The following RIMS1 variants were observed in gnomAD, a reference collection of about 807,000 sequenced individuals.
RIMS1 encodes regulating synaptic membrane exocytosis 1, also known as regulating synaptic membrane exocytosis protein 1.
A neutral mutation model predicts 214.1 loss-of-function variants in RIMS1; 83 were observed. The ratio of observed to expected loss-of-function variants is 0.39; its 90% CI spans 0.32 to 0.47. RIMS1 has a LOEUF of 0.47. Ranked by LOEUF, RIMS1 falls within the 20% of genes least tolerant of loss-of-function variation. The pLI is 0.99. For synonymous variants in RIMS1, 793 were observed against 786.8 expected (o/e 1.01, Z -0.13); for missense variants, 2,050 against 2,161.8 (o/e 0.95, Z 1.03).
chr6:72,114,019 CA>C (rs1196072642), intron 4 of RIMS1, among the ~76,000 whole-genome samples: 3 of 151,842 alleles, frequency 2.0e-5, no homozygotes, highest in Admixed American at 6.6e-5. Flanking sequence ...ATCAAATGAA[CA>C]TTAAGTAATT....
At chr6:72,023,957 T>C (rs1444717620) in intron 2 of RIMS1, among the ~76,000 whole-genome samples, 1 of 152,144 alleles carries the variant, frequency 6.6e-6, no homozygotes, top group Non-Finnish European at 1.5e-5. Flanking sequence ...AAAGGTTGAC[T>C]CCTTCAAAGA....
chr6:72,352,751 T>C (rs772341516), intron 29 of RIMS1, among the ~76,000 whole-genome samples: 1 of 152,108 alleles, frequency 6.6e-6, no homozygotes, highest in Non-Finnish European at 1.5e-5. Flanking sequence ...AGCCTTGTTC[T>C]AGAAGCATCA....
intron 2 of RIMS1, among the ~76,000 whole-genome samples, chr6:72,087,257 A>G (rs1834900664): frequency 6.6e-6 from 1 of 152,244 alleles, no homozygotes; most frequent in South Asian, 2.1e-4. Flanking sequence ...GTTTATCCCT[A>G]AAGAACTGAG....
chr6:72,297,999 G>A (rs1303221108), intron 26 of RIMS1, among the ~76,000 whole-genome samples: 1 of 151,862 alleles, frequency 6.6e-6, no homozygotes, highest in Non-Finnish European at 1.5e-5. Flanking sequence ...CAAGCCAAGG[G>A]GTTCATTAGG....
At chr6:72,329,202 A>G (rs2096580058) in intron 28 of RIMS1, among the ~76,000 whole-genome samples, 2 of 151,850 alleles carry the variant, frequency 1.3e-5, no homozygotes, top group African/African-American at 4.8e-5. Context: ...TAATTGGCTT[A>G]AGTAGGGAGT....
intron 1 of RIMS1, among the ~76,000 whole-genome samples, chr6:71,905,241 A>G (rs1774919127): frequency 6.6e-6 from 1 of 152,130 alleles, no homozygotes; most frequent in South Asian, 2.1e-4. Flanking sequence ...AATTTAGTCC[A>G]AATATCTCCA....
intron 31 of RIMS1, among the ~76,000 whole-genome samples, chr6:72,393,223 A>G (rs1350084969): frequency 6.6e-6 from 1 of 151,988 alleles, no homozygotes. Context: ...AAAAAAGAAA[A>G]GGGAAGGTGG....
intron 1 of RIMS1, among the ~76,000 whole-genome samples, chr6:71,952,035 A>T (rs781118194): frequency 6.6e-6 from 1 of 152,212 alleles, no homozygotes; most frequent in Admixed American, 6.5e-5. Context: ...AAGACAGTCC[A>T]GATTGGTGGC....
At chr6:72,361,178 G>A (rs1051066448) in intron 29 of RIMS1, among the ~76,000 whole-genome samples, 3 of 127,308 alleles carry the variant, frequency 2.4e-5, no homozygotes, top group African/African-American at 9.1e-5. Context: ...GCACGACTCA[G>A]CTCACTGCAA....
At chr6:72,252,943 A>T (rs2074125034) in intron 16 of RIMS1, 111 bp downstream of exon 16, 1 of 751,980 alleles carries the variant, frequency 1.3e-6, no homozygotes, top group Non-Finnish European at 2.3e-6. Context: ...GCACAGAGAA[A>T]TCAGTATTAT....
At chr6:72,200,314 A>G (rs1315811039) in intron 6 of RIMS1, among the ~76,000 whole-genome samples, 2 of 152,138 alleles carry the variant, frequency 1.3e-5, no homozygotes, top group African/African-American at 2.4e-5. Context: ...TGCTTAGAGC[A>G]TAGTCCCTGA....
chr6:72,228,564 CATTT>C (rs1397189807), intron 6 of RIMS1, among the ~76,000 whole-genome samples: 2 of 151,810 alleles, frequency 1.3e-5, no homozygotes, highest in African/African-American at 2.4e-5. Context: ...TTTCTTTATT[CATTT>C]GTCAGTGAAC....
Position 72,056,544 on chromosome 6 carries a change from C to T in RIMS1, c.246-40405C>T, listed in dbSNP as rs147804881. On this transcript the variant is annotated intron_variant, in intron 2 of 33. Coordinates refer to ENST00000521978, the MANE Select transcript of RIMS1 (RefSeq NM_014989.7). ...ATTTTTCTCCTCCAAACTGGAAAGA[C>T]GGTAGACTTTTTACTTTCATATTTT... is the stretch of plus-strand genomic sequence containing the variant. Among the ~76,000 whole-genome samples, 142 of 152,294 alleles carry T rather than the reference C, an allele frequency of 9.3e-4. 1 individual carries two copies. Among genetic ancestry groups the T allele is most frequent in the Admixed American group, 1.7e-3 (26 of 15,294 alleles).
chr6:72,143,775 T>C (rs73549444), intron 4 of RIMS1, among the ~76,000 whole-genome samples: 1,928 of 152,354 alleles, frequency 0.013, 40 homozygotes, highest in African/African-American at 0.044. Flanking sequence ...ACATACTTAA[T>C]AGTTTCTACA....
chr6:72,261,530 T>G, intron 19 of RIMS1: 3 of 924,070 alleles, frequency 3.2e-6, no homozygotes, highest in South Asian at 1.0e-4. Context: ...ACATATTCTA[T>G]AAATACTTAA....
chr6:71,996,655 G>A (rs560774432), intron 2 of RIMS1, among the ~76,000 whole-genome samples: 20 of 152,272 alleles, frequency 1.3e-4, no homozygotes, highest in East Asian at 7.7e-4. Flanking sequence ...CTGTGATCAC[G>A]TCACTGATGT....
intron 28 of RIMS1, among the ~76,000 whole-genome samples, chr6:72,318,617 G>A (rs1278675096): frequency 3.3e-5 from 5 of 151,506 alleles, no homozygotes; most frequent in African/African-American, 4.9e-5. Context: ...ACCATTTTTC[G>A]TGCATCTTAG....
rs185887277 is a variant in RIMS1, at chr6:72,293,572, T to C, written c.3850+1526T>C. Among the ~76,000 whole-genome samples, 12 of 152,072 alleles carry C rather than the reference T, an allele frequency of 7.9e-5. No homozygotes were observed. In the East Asian group the frequency reaches 1.4e-3, roughly 17 times the overall value. On this transcript the variant is annotated intron_variant, in intron 26 of 33. Coordinates refer to ENST00000521978, the MANE Select transcript of RIMS1 (RefSeq NM_014989.7). ...GATCATATTTTGCTAAAGATTGATA[T>C]TCTAAAAGTCATGTGCTCCTAAAAT...
intron 2 of RIMS1, among the ~76,000 whole-genome samples, chr6:71,981,294 A>T (rs1014310293): frequency 1.3e-5 from 2 of 152,172 alleles, no homozygotes; most frequent in South Asian, 2.1e-4. Context: ...AAACTGAGGC[A>T]CATAAAAGAA....
Sources: gnomAD v4.1 joint callset for allele counts (sites outside exome capture counted in the v4.1 genomes callset) on GRCh38, gnomAD v4.1.1 for gene constraint, MANE v1.5 for transcripts, NCBI Gene and HGNC (gene_info 2026-07-23, HGNC 2026-07-21) for gene names.